Variants in ATG5 observed in about 807,000 individuals in gnomAD.
The protein encoded by ATG5 is autophagy related 5, also known as autophagy protein 5.
Under a neutral mutation model 36.5 loss-of-function variants are expected in ATG5, and 14 were observed. That is an observed-to-expected ratio of 0.38 (90% CI 0.25 to 0.60). The LOEUF is 0.60. Ranked by LOEUF, ATG5 falls within the 20% of genes least tolerant of loss-of-function variation. The pLI is 0.60. For synonymous variants in ATG5, 95 were observed against 101.5 expected (o/e 0.94, Z 0.38); for missense variants, 195 against 326.7 (o/e 0.60, Z 3.11).
chr6:106,289,049 A>C (rs528669364), intron 4 of ATG5, among the ~76,000 whole-genome samples: 1 of 152,230 alleles, frequency 6.6e-6, no homozygotes, highest in African/African-American at 2.4e-5. Context: ...AGAAATTCTA[A>C]GAAGTCTGGT....
intron 4 of ATG5, among the ~76,000 whole-genome samples, chr6:106,292,014 G>C (rs981725242): frequency 6.6e-6 from 1 of 152,166 alleles, no homozygotes; most frequent in Non-Finnish European, 1.5e-5. Context: ...CAGTAACTAT[G>C]AATGGACACC....
intron 6 of ATG5, among the ~76,000 whole-genome samples, chr6:106,214,994 C>A (rs1325369490): frequency 6.6e-6 from 1 of 152,088 alleles, no homozygotes; most frequent in East Asian, 1.9e-4. Flanking sequence ...GTTTAAATTT[C>A]ATTATATATA....
intron 7 of ATG5, among the ~76,000 whole-genome samples, chr6:106,190,257 C>T (rs1775921308): frequency 6.6e-6 from 1 of 152,134 alleles, no homozygotes; most frequent in Non-Finnish European, 1.5e-5. Context: ...GATCAAAGTG[C>T]TGGCACCTGG....
At chr6:106,258,218 AT>A (rs1778872231) in intron 5 of ATG5, among the ~76,000 whole-genome samples, 1 of 151,620 alleles carries the variant, frequency 6.6e-6, no homozygotes. Flanking sequence ...AAAAAAAAAA[AT>A]TAGCCAAGCA....
intron 2 of ATG5, among the ~76,000 whole-genome samples, chr6:106,312,800 T>C (rs995276936): frequency 6.6e-6 from 1 of 152,108 alleles, no homozygotes; most frequent in Non-Finnish European, 1.5e-5. Flanking sequence ...AAACAGACTC[T>C]GAGCTTGGCT....
chr6:106,277,464 T>C (rs1283566058), intron 5 of ATG5, among the ~76,000 whole-genome samples: 1 of 152,226 alleles, frequency 6.6e-6, no homozygotes, highest in Admixed American at 6.5e-5. Context: ...TTACGATTGT[T>C]CCACAATCTT....
At chr6:106,315,962 CTG>C in intron 2 of ATG5, 137 bp downstream of exon 2, 1 of 632,828 alleles carries the variant, frequency 1.6e-6, no homozygotes, top group Non-Finnish European at 2.7e-6. Context: ...TTATGCTTAT[CTG>C]TGTTAATTTT....
At chr6:106,256,162 G>A (rs1231096209) in intron 5 of ATG5, among the ~76,000 whole-genome samples, 1 of 152,044 alleles carries the variant, frequency 6.6e-6, no homozygotes, top group African/African-American at 2.4e-5. Flanking sequence ...CATTTATTAT[G>A]TAGGTAATTC....
At chr6:106,272,683 C>T (rs534452728) in intron 5 of ATG5, among the ~76,000 whole-genome samples, 1 of 152,318 alleles carries the variant, frequency 6.6e-6, no homozygotes, top group East Asian at 1.9e-4. Context: ...GTCATATTTA[C>T]CCCAGCGTCC....
At chr6:106,322,645 C>A (rs1277904344) in intron 1 of ATG5, among the ~76,000 whole-genome samples, 3 of 152,200 alleles carry the variant, frequency 2.0e-5, no homozygotes, top group Non-Finnish European at 2.9e-5. Flanking sequence ...TCAACAGTCC[C>A]ACCCTGGGAG....
At chr6:106,197,829 A>G (rs1482023178) in intron 7 of ATG5, among the ~76,000 whole-genome samples, 2 of 152,160 alleles carry the variant, frequency 1.3e-5, no homozygotes. Context: ...GTGTTTCTTT[A>G]TAGCAACACA....
chr6:106,246,751 A>G (rs1166007789), intron 6 of ATG5, among the ~76,000 whole-genome samples: 1 of 152,222 alleles, frequency 6.6e-6, no homozygotes, highest in East Asian at 1.9e-4. Flanking sequence ...AGTCTGCGAT[A>G]TATTTTCTTC....
At chr6:106,305,655 C>T (rs1770416257) in intron 3 of ATG5, among the ~76,000 whole-genome samples, 1 of 152,194 alleles carries the variant, frequency 6.6e-6, no homozygotes, top group South Asian at 2.1e-4. Flanking sequence ...TATTATTCAA[C>T]TCAAATAAAT....
intron 3 of ATG5, among the ~76,000 whole-genome samples, chr6:106,294,131 T>G (rs1461946438): frequency 2.6e-5 from 4 of 152,150 alleles, no homozygotes; most frequent in African/African-American, 9.7e-5. Context: ...GATTTCAAAT[T>G]GTGGGATTTG....
At chr6:106,322,739 C>G (rs1207889708) in intron 1 of ATG5, among the ~76,000 whole-genome samples, 1 of 152,206 alleles carries the variant, frequency 6.6e-6, no homozygotes, top group Non-Finnish European at 1.5e-5. Context: ...TTGAAGATCT[C>G]TCACATGGTT....
At position 106,316,134 on chromosome 6, in the gene ATG5, A is replaced by C. The variant is rs1003280752; in HGVS notation, c.75T>G (p.Asp25Glu). 1 of 1,613,496 alleles carries C rather than the reference A, an allele frequency of 6.2e-7. No homozygotes were observed. The highest frequency in any genetic ancestry group is 1.3e-5 in the African/African-American group (1 of 74,994). Residue 25 changes from aspartate (D) to glutamate (E), a missense_variant, in exon 2 of 8, where the codon GAT becomes GAG. Asp to Glu is a conservative substitution (Grantham distance 45, BLOSUM62 2). Coordinates refer to ENST00000369076, the MANE Select transcript of ATG5 (RefSeq NM_004849.4). ...RIPTCFTLYQ[D>E]EITEREAEPY... Reference sequence around the variant, plus strand: ...GTTCTGCTTCCCTTTCAGTTATCTCATCCTGATATAGCGTGAAACAAGTTG... The same window carrying C: ...GTTCTGCTTCCCTTTCAGTTATCTCCTCCTGATATAGCGTGAAACAAGTTG...
At chr6:106,304,955 G>C (rs993838794) in intron 3 of ATG5, among the ~76,000 whole-genome samples, 3 of 152,130 alleles carry the variant, frequency 2.0e-5, no homozygotes, top group South Asian at 4.1e-4. Flanking sequence ...AGCTGGCGTG[G>C]TGGCGGAAGC....
At chr6:106,314,925 C>A (rs1032864136) in intron 2 of ATG5, among the ~76,000 whole-genome samples, 1 of 152,060 alleles carries the variant, frequency 6.6e-6, no homozygotes, top group African/African-American at 2.4e-5. Context: ...AACAAGATTG[C>A]CGAACTTCTC....
chr6:106,244,997 T>C (rs1428537914), intron 6 of ATG5, among the ~76,000 whole-genome samples: 1 of 152,190 alleles, frequency 6.6e-6, no homozygotes, highest in Non-Finnish European at 1.5e-5. Flanking sequence ...TGTTTACAAG[T>C]GCTAAATAAC....
Sources: gnomAD v4.1 joint callset for allele counts (sites outside exome capture counted in the v4.1 genomes callset) on GRCh38, gnomAD v4.1.1 for gene constraint, MANE v1.5 for transcripts, NCBI Gene and HGNC (gene_info 2026-07-23, HGNC 2026-07-21) for gene names.